Variants in ABCC4 observed in about 807,000 individuals in gnomAD.
ABCC4 encodes ATP binding cassette subfamily C member 4 (PEL blood group), also known as ATP-binding cassette sub-family C member 4.
In ABCC4, 102 loss-of-function variants were observed where a neutral mutation model predicts 168.5. The observed-to-expected ratio is 0.61, with a 90% CI of 0.52 to 0.71. ABCC4 has a LOEUF of 0.71. ABCC4 is among the 30% of genes least tolerant of loss of function. The probability of loss-of-function intolerance (pLI) is 0.00; values close to 1 mark genes in which losing one functional copy is unlikely to be tolerated. For missense variants in ABCC4, 1,402 were observed against 1,605.8 expected, an observed-to-expected ratio of 0.87 and a Z score of 2.17; for synonymous variants, 617 against 590.7, an observed-to-expected ratio of 1.04 and a Z score of -0.65.
rs1200969859 is a variant in ABCC4 at position 95,074,720 on chromosome 13, C to T, written c.2807-396G>A. Among the ~76,000 whole-genome samples the T allele has an allele frequency of 5.3e-5, 8 of 152,162 alleles. No homozygotes were observed. In the East Asian group the frequency reaches 1.5e-3, roughly 29 times the overall value. On this transcript the variant is annotated intron_variant, in intron 22 of 30. Coordinates refer to ENST00000645237, the MANE Select transcript of ABCC4 (RefSeq NM_005845.5). Reference sequence around the variant, plus strand: ...GCTCCCATTTTACTTCTCCCACCTTCCATACTTACCAGAAGGCCCACACAC... The same window carrying T: ...GCTCCCATTTTACTTCTCCCACCTTTCATACTTACCAGAAGGCCCACACAC...
rs1593979094 is a variant in ABCC4 at position 95,034,503 on chromosome 13, T to G, written c.3870+102A>C. The G allele has an allele frequency of 4.2e-6, 6 of 1,434,992 alleles. No homozygotes were observed. In the East Asian group the frequency reaches 7.2e-5, roughly 17 times the overall value. The allele number at this position is 1,434,992 out of a possible 1,614,324, so 88.9% of individuals were successfully genotyped here. ...AGCTTTGTCTCTGCAGGCTTATAAT[T>G]GAAAAGGGTACACAGTGCTTGTTAC... On this transcript the variant is annotated intron_variant, in intron 30 of 30. Coordinates refer to ENST00000645237, the MANE Select transcript of ABCC4 (RefSeq NM_005845.5).
intron 21 of ABCC4, 118 bp from the exon 22 acceptor site, chr13:95,075,669 T>G: frequency 1.5e-6 from 2 of 1,360,290 alleles, no homozygotes; most frequent in Non-Finnish European, 2.0e-6. Flanking sequence ...CTAGGAGGCT[T>G]CATGTTTCAA....
chr13:95,193,885 G>C (rs1783411726), intron 9 of ABCC4, among the ~76,000 whole-genome samples: 1 of 152,182 alleles, frequency 6.6e-6, no homozygotes, highest in African/African-American at 2.4e-5. Context: ...CATCATGCAA[G>C]ACCCAATCGG....
intron 14 of ABCC4, among the ~76,000 whole-genome samples, chr13:95,169,717 A>G (rs1241989175): frequency 6.6e-6 from 1 of 152,122 alleles, no homozygotes; most frequent in Non-Finnish European, 1.5e-5. Context: ...TCTTACTTAT[A>G]GCTATACCAG....
chr13:95,043,439 T>A (rs1286989489), intron 29 of ABCC4: 1 of 428,596 alleles, frequency 2.3e-6, no homozygotes, highest in African/African-American at 2.0e-5. Flanking sequence ...AGATTTGGAA[T>A]ATTTTCATGG....
At chr13:95,297,766 C>G (rs1307236726) in intron 1 of ABCC4, among the ~76,000 whole-genome samples, 1 of 151,890 alleles carries the variant, frequency 6.6e-6, no homozygotes, top group Non-Finnish European at 1.5e-5. Context: ...AGCTCAAACT[C>G]CTGAGCTGTG....
At chr13:95,214,037 A>T (rs1594312304) in intron 4 of ABCC4, among the ~76,000 whole-genome samples, 1 of 152,352 alleles carries the variant, frequency 6.6e-6, no homozygotes, top group East Asian at 1.9e-4. Context: ...TCAAGGAGTT[A>T]AAGAAAAATA....
At chr13:95,161,509 A>G (rs2037099486) in intron 18 of ABCC4, among the ~76,000 whole-genome samples, 174 bp from the exon 19 acceptor site, 1 of 152,224 alleles carries the variant, frequency 6.6e-6, no homozygotes, top group Non-Finnish European at 1.5e-5. Context: ...AAGGATTAAA[A>G]TAGTTTATTT....
chr13:95,132,845 T>TA (rs1263889426), intron 19 of ABCC4, among the ~76,000 whole-genome samples: 2 of 152,070 alleles, frequency 1.3e-5, no homozygotes, highest in Non-Finnish European at 2.9e-5. Context: ...TGATTCCAGT[T>TA]ATGTCCAGCA....
At chr13:95,174,633 G>T (rs375416790) in intron 13 of ABCC4, among the ~76,000 whole-genome samples, 3 of 152,208 alleles carry the variant, frequency 2.0e-5, no homozygotes, top group Non-Finnish European at 4.4e-5. Flanking sequence ...TGTGCGATAC[G>T]CACACTGATA....
In ABCC4 at chr13:95,112,567, A is replaced by G. The variant is rs2139403454; in HGVS notation, c.2535+3355T>C. On this transcript the variant is annotated intron_variant, in intron 20 of 30. Coordinates refer to ENST00000645237, the MANE Select transcript of ABCC4 (RefSeq NM_005845.5). ...TCTATTTGTTACTATACATCCTGCC[A>G]AAGTTCTTTCTGGCTCAAGAATACC... Among the ~76,000 whole-genome samples the G allele has an allele frequency of 1.3e-5, 2 of 152,312 alleles. 1 individual carries two copies. Among genetic ancestry groups the G allele is most frequent in the South Asian group, 4.1e-4 (2 of 4,828 alleles).
intron 30 of ABCC4, among the ~76,000 whole-genome samples, chr13:95,022,708 A>G (rs1345738847): frequency 6.6e-6 from 1 of 152,176 alleles, no homozygotes; most frequent in Non-Finnish European, 1.5e-5. Flanking sequence ...TTCTGGATCT[A>G]TTTTATAAAA....
chr13:95,171,996 G>C (rs2037493615), intron 13 of ABCC4, among the ~76,000 whole-genome samples: 1 of 152,108 alleles, frequency 6.6e-6, no homozygotes, highest in South Asian at 2.1e-4. Context: ...CATATCTAAA[G>C]GGAGATGTTA....
intron 26 of ABCC4, among the ~76,000 whole-genome samples, chr13:95,055,105 T>C (rs1330939056): frequency 6.6e-6 from 1 of 152,180 alleles, no homozygotes; most frequent in Non-Finnish European, 1.5e-5. Flanking sequence ...ACTGAAAAAT[T>C]CCAAGAGTCA....
intron 14 of ABCC4, among the ~76,000 whole-genome samples, chr13:95,169,842 C>T (rs925713522): frequency 1.3e-5 from 2 of 152,040 alleles, no homozygotes; most frequent in Non-Finnish European, 1.5e-5. Context: ...TGTGTTGCTG[C>T]TATTATTATT....
intron 6 of ABCC4, 102 bp from the exon 7 acceptor site, chr13:95,208,027 G>T (rs138416960): frequency 1.5e-6 from 2 of 1,357,512 alleles, no homozygotes; most frequent in South Asian, 1.4e-5. Context: ...TCCCTACAGC[G>T]CTTTTGCTTC....
chr13:95,029,984 T>TGTCTATCC (rs1354272380), intron 30 of ABCC4, among the ~76,000 whole-genome samples: 166 of 85,724 alleles, frequency 1.9e-3, no homozygotes, highest in African/African-American at 6.0e-3. Flanking sequence ...ACTTCTTGTC[T>TGTCTATCC]ATCTATCCAT....
chr13:95,295,962 C>CAAA (rs59341854), intron 1 of ABCC4, among the ~76,000 whole-genome samples: 1 of 114,096 alleles, frequency 8.8e-6, no homozygotes. Flanking sequence ...GAGACTCCGT[C>CAAA]AAAAAAAAAA....
chr13:95,113,005 C>T (rs551218521), intron 20 of ABCC4, among the ~76,000 whole-genome samples: 4 of 152,240 alleles, frequency 2.6e-5, no homozygotes, highest in East Asian at 1.9e-4. Flanking sequence ...AGAATTGATG[C>T]GGTAGACGAG....
Sources: gnomAD v4.1 joint callset for allele counts (sites outside exome capture counted in the v4.1 genomes callset) on GRCh38, gnomAD v4.1.1 for gene constraint, MANE v1.5 for transcripts, NCBI Gene and HGNC (gene_info 2026-07-23, HGNC 2026-07-21) for gene names.